Variants in CHST15 observed in about 807,000 individuals in gnomAD.
CHST15 encodes the protein carbohydrate sulfotransferase 15.
Under a neutral mutation model 53.6 loss-of-function variants are expected in CHST15, and 30 were observed. The observed-to-expected ratio is 0.56, with a 90% CI of 0.42 to 0.76. The LOEUF is 0.76. Ranked by LOEUF, CHST15 falls within the 30% of genes least tolerant of loss-of-function variation. The pLI, the probability that CHST15 is intolerant of heterozygous loss-of-function variation, is 0.00. For synonymous variants in CHST15, 296 were observed against 289.8 expected (o/e 1.02, Z -0.22); for missense variants, 627 against 740.5 (o/e 0.85, Z 1.78).
rs181967127 is a variant in CHST15 at position 124,034,880 on chromosome 10, A to G, written c.1190+3635T>C. On this transcript the variant is annotated intron_variant, in intron 5 of 7. Coordinates refer to ENST00000435907, the MANE Select transcript of CHST15 (RefSeq NM_001270764.2). ...AGGGACCCTGGCTCTACTCCCTAAC[A>G]GGGACCCTGGCTCTACCCCTGATAG... Among the ~76,000 whole-genome samples the G allele has an allele frequency of 5.1e-3, 658 of 130,056 alleles. 21 individuals are homozygous for G. The highest frequency in any genetic ancestry group is 0.019 in the African/African-American group (628 of 33,464). 85.3% of individuals were successfully genotyped at this position (130,056 alleles called of 152,430 possible). A position where few individuals can be genotyped will look rare whatever the true frequency, so the allele number is the denominator to read the frequency against.
chr10:124,034,648 A>AC (rs1554906510), intron 5 of CHST15, among the ~76,000 whole-genome samples: 3 of 104,658 alleles, frequency 2.9e-5, no homozygotes, highest in African/African-American at 4.5e-5. Context: ...CCCTGGCTCC[A>AC]CCCCTAACAG....
In CHST15 at chr10:124,046,220, C is replaced by A; in HGVS notation, c.-8G>T. ...ATTAATGCAGTGCCTCATGGTAGTGCCAGTGCCCTGGGCTGCTGGCTTACC... is the reference window on the plus strand; with the variant it reads ...ATTAATGCAGTGCCTCATGGTAGTGACAGTGCCCTGGGCTGCTGGCTTACC... On this transcript the variant is annotated 5_prime_UTR_variant, in exon 2 of 8. Transcript: ENST00000435907. 1.3e-6 allele frequency: 2 copies of A among 1,584,412 alleles called. No individual in the cohort carries two copies. Among genetic ancestry groups the A allele is most frequent in the South Asian group, 1.2e-5 (1 of 85,852 alleles).
rs376174591 is a variant in CHST15, at chr10:124,008,344, T to TAC, written c.*1803_*1804dup. 3.5e-4 allele frequency: 374 copies of TAC among 1,054,512 alleles called. 2 individuals carry two copies. The South Asian group carries it at 0.012, about 35-fold the overall frequency. 65.3% of individuals were successfully genotyped at this position (1,054,512 alleles called of 1,614,324 possible). A position where few individuals can be genotyped will look rare whatever the true frequency, so the allele number is the denominator to read the frequency against. ...AGACGCACTCACCCACACGTGCGCG[T>TAC]ACACACACACACACGCGCGCACTGT... On this transcript the variant is annotated 3_prime_UTR_variant, in exon 8 of 8. Transcript: ENST00000435907.
rs114881639 is a variant in CHST15 at position 124,074,102 on chromosome 10, G to A, written c.-513+19367C>T. ...CTCTTTCCATAGAAGACTTTCTCAG[G>A]ACAGAAGTGGGTGTGATTAGCGCAA... On this transcript the variant is annotated intron_variant, in intron 1 of 7. Transcript: ENST00000435907. This position sits in a 1 kb window ranked among gnomAD's most constrained non-coding sequence, Gnocchi z 4.4. 2.6e-5 allele frequency among the ~76,000 whole-genome samples: 4 copies of A among 152,306 alleles called. No individual in the cohort carries two copies. The highest frequency in any genetic ancestry group is 9.6e-5 in the African/African-American group (4 of 41,572).
chr10:124,014,780 A>G (rs561037004), intron 6 of CHST15, among the ~76,000 whole-genome samples: 66 of 152,272 alleles, frequency 4.3e-4, no homozygotes, highest in African/African-American at 1.5e-3. Flanking sequence ...GGTGTTTTAG[A>G]GCAGCTGTAG....
chr10:124,066,005 T>G (rs1416536290), intron 1 of CHST15, among the ~76,000 whole-genome samples: 1 of 152,076 alleles, frequency 6.6e-6, no homozygotes, highest in Non-Finnish European at 1.5e-5. Flanking sequence ...CATCGAGTAT[T>G]CGGAATCAAC....
Position 124,044,742 on chromosome 10 carries a change from G to A in CHST15, c.724C>T (p.His242Tyr). The change falls in exon 3 of 8, where the codon CAC (histidine) becomes TAC (tyrosine). Residue 242 changes from histidine (H) to tyrosine (Y), a missense_variant. Transcript: ENST00000435907. The part of the protein sequence containing the change: ...LRKAFWGHLA[H>Y]AHGKHFRLRC... ...AGGCGGAAGTGCTTCCCGTGCGCGT[G>A]CGCCAGGTGGCCCCAGAAGGCCTTG... 6.2e-7 allele frequency: 1 copy of A among 1,613,366 alleles called. No homozygotes were observed.
chr10:124,081,449 G>C (rs926060050), intron 1 of CHST15, among the ~76,000 whole-genome samples: 1 of 152,186 alleles, frequency 6.6e-6, no homozygotes, highest in Non-Finnish European at 1.5e-5. Flanking sequence ...TGTAACAGCT[G>C]ATGTAGGACC....
intron 1 of CHST15, among the ~76,000 whole-genome samples, chr10:124,067,357 A>G (rs1245055282): frequency 6.6e-6 from 1 of 152,210 alleles, no homozygotes; most frequent in African/African-American, 2.4e-5. Flanking sequence ...TTCCTAAGAT[A>G]TGCAATCCAG....
intron 5 of CHST15, among the ~76,000 whole-genome samples, chr10:124,029,264 G>A: frequency 6.6e-6 from 1 of 152,208 alleles, no homozygotes; most frequent in Middle Eastern, 3.2e-3. Context: ...TCAGGAGGCT[G>A]GATGAGACAG....
chr10:124,059,480 G>A (rs549187724), intron 1 of CHST15, among the ~76,000 whole-genome samples: 1 of 152,242 alleles, frequency 6.6e-6, no homozygotes, highest in Non-Finnish European at 1.5e-5. Context: ...AGGACAGAAG[G>A]AGCAGGGTGA....
chr10:124,087,003 G>A (rs984925893), intron 1 of CHST15, among the ~76,000 whole-genome samples: 8 of 152,188 alleles, frequency 5.3e-5, no homozygotes, highest in East Asian at 1.9e-4. Context: ...TGTCACGGGC[G>A]CCAAATATTT....
chr10:124,017,054 G>A (rs34090147), intron 6 of CHST15, among the ~76,000 whole-genome samples: 2,037 of 152,170 alleles, frequency 0.013, 28 homozygotes, highest in East Asian at 0.046. Context: ...GATGGGAGTC[G>A]GCACACTCTG....
intron 5 of CHST15, among the ~76,000 whole-genome samples, chr10:124,025,799 G>A (rs1217341967): frequency 1.3e-5 from 2 of 152,130 alleles, no homozygotes; most frequent in Admixed American, 6.5e-5. Context: ...ACAGAAAGAC[G>A]GAGACAGAGC....
At chr10:124,088,806 A>G (rs28537708) in intron 1 of CHST15, among the ~76,000 whole-genome samples, 98,479 of 152,074 alleles carry the variant, frequency 0.65, 32,118 homozygotes, top group South Asian at 0.75. Flanking sequence ...AATTTAAAAA[A>G]TCTATGTTGG....
chr10:124,026,149 T>C (rs1441183361), intron 5 of CHST15, among the ~76,000 whole-genome samples: 1 of 152,138 alleles, frequency 6.6e-6, no homozygotes, highest in Admixed American at 6.5e-5. Context: ...AGGGGAGGAC[T>C]GGGGTCATGT....
intron 5 of CHST15, among the ~76,000 whole-genome samples, chr10:124,028,458 T>C (rs1947096900): frequency 6.6e-6 from 1 of 152,194 alleles, no homozygotes; most frequent in Non-Finnish European, 1.5e-5. Flanking sequence ...CGTTTTTATA[T>C]TGAGAAATGA....
At chr10:124,087,102 C>A (rs1949455268) in intron 1 of CHST15, among the ~76,000 whole-genome samples, 2 of 152,336 alleles carry the variant, frequency 1.3e-5, no homozygotes, top group South Asian at 2.1e-4. Context: ...CACAGCTGCC[C>A]AGACCACTTT....
chr10:124,045,808 G>A lies in CHST15; in HGVS notation c.405C>T (p.His135=), dbSNP rs1216409109. The change falls in exon 2 of 8, where the codon CAC becomes CAT. Residue 135 remains histidine (H), a synonymous_variant. Transcript: ENST00000435907. ...AAATATTATTTACAGAGGATTGGTG[G>A]TGATGCTCCTTTGTGTCACTTGGGT... ...SENPSDTKEH[H]HQSSVNNISY... is the part of the protein sequence containing the mutation. 6.2e-7 allele frequency: 1 copy of A among 1,613,946 alleles called. No individual in the cohort carries two copies. The highest frequency in any genetic ancestry group is 1.3e-5 in the African/African-American group (1 of 74,876).
Sources: allele counts gnomAD v4.1 joint callset (sites outside exome capture counted in the v4.1 genomes callset), GRCh38; gene constraint gnomAD v4.1.1; non-coding constraint Gnocchi (gnomAD v3.1); transcripts MANE v1.5; gene names NCBI Gene and HGNC (gene_info 2026-07-23, HGNC 2026-07-21).